The following MAST4 variants were observed in gnomAD, a reference collection of about 807,000 sequenced individuals.
MAST4 encodes microtubule-associated serine/threonine-protein kinase 4.
Under a neutral mutation model 162.7 loss-of-function variants are expected in MAST4, and 89 were observed. That is an observed-to-expected ratio of 0.55 (90% CI 0.46 to 0.65). The LOEUF is 0.65. Ranked by LOEUF, MAST4 falls within the 30% of genes least tolerant of loss-of-function variation. The pLI is 0.00. For missense variants in MAST4, 3,153 were observed against 3,374.0 expected, an observed-to-expected ratio of 0.93 and a Z score of 1.62; for synonymous variants, 1,479 against 1,361.1, an observed-to-expected ratio of 1.09 and a Z score of -1.91.
At chr5:66,608,038 A>G (rs1263862614) in intron 1 of MAST4, among the ~76,000 whole-genome samples, 1 of 150,998 alleles carries the variant, frequency 6.6e-6, no homozygotes, top group Non-Finnish European at 1.5e-5. Context: ...AATTATATCC[A>G]TCACCTCACA....
intron 5 of MAST4, among the ~76,000 whole-genome samples, chr5:67,069,577 T>C (rs973508164): frequency 1.1e-4 from 16 of 152,094 alleles, no homozygotes; most frequent in Non-Finnish European, 1.5e-5. Context: ...CAGCATGTTC[T>C]GGATATGCAC....
chr5:66,871,407 G>A (rs1407706742), intron 3 of MAST4, among the ~76,000 whole-genome samples: 1 of 152,140 alleles, frequency 6.6e-6, no homozygotes, highest in African/African-American at 2.4e-5. Context: ...AGCTGGGATG[G>A]GTTGGCTTCA....
chr5:66,779,556 G>A (rs142670222), intron 2 of MAST4, among the ~76,000 whole-genome samples: 6 of 152,152 alleles, frequency 3.9e-5, no homozygotes, highest in Non-Finnish European at 5.9e-5. Context: ...GTCTGGGTAC[G>A]GTCATTCTTT....
chr5:66,872,803 T>G (rs1761034773), intron 3 of MAST4, among the ~76,000 whole-genome samples: 1 of 152,192 alleles, frequency 6.6e-6, no homozygotes, highest in South Asian at 2.1e-4. Flanking sequence ...ACTAAAATAC[T>G]GGGTGCATTA....
intron 4 of MAST4, among the ~76,000 whole-genome samples, chr5:67,009,340 C>T (rs1006958693): frequency 3.9e-5 from 6 of 152,236 alleles, no homozygotes; most frequent in African/African-American, 1.4e-4. Context: ...ATGGTGTGTA[C>T]AAAGGCCTGG....
At chr5:66,973,289 GTTTT>G (rs199660691) in intron 4 of MAST4, among the ~76,000 whole-genome samples, 4 of 144,634 alleles carry the variant, frequency 2.8e-5, no homozygotes, top group Non-Finnish European at 6.1e-5. Context: ...GTCTGTGAAA[GTTTT>G]TTTTTTTTTA....
At chr5:66,711,649 A>G (rs1288877220) in intron 1 of MAST4, among the ~76,000 whole-genome samples, 5 of 152,170 alleles carry the variant, frequency 3.3e-5, no homozygotes, top group African/African-American at 1.2e-4. Context: ...AGCCTGGCCA[A>G]CATGGTGAAA....
At chr5:66,814,856 T>TC (rs1716953318) in intron 3 of MAST4, among the ~76,000 whole-genome samples, 1 of 148,166 alleles carries the variant, frequency 6.7e-6, no homozygotes, top group African/African-American at 2.5e-5. Flanking sequence ...ATTTTTTTTT[T>TC]CCCCACAAAA....
At chr5:66,847,835 A>C (rs1758982903) in intron 3 of MAST4, among the ~76,000 whole-genome samples, 1 of 150,862 alleles carries the variant, frequency 6.6e-6, no homozygotes, top group African/African-American at 2.4e-5. Context: ...AAAAAAAAAA[A>C]AAAAAAAAGA....
intron 7 of MAST4, among the ~76,000 whole-genome samples, 200 bp from the exon 8 acceptor site, chr5:67,100,235 G>A (rs181096905): frequency 9.2e-5 from 14 of 152,254 alleles, no homozygotes; most frequent in African/African-American, 3.4e-4. Flanking sequence ...ATAAACAAAT[G>A]AGGCAAAATA....
At chr5:67,030,157 T>A (rs781722839) in intron 4 of MAST4, among the ~76,000 whole-genome samples, 11 of 152,168 alleles carry the variant, frequency 7.2e-5, no homozygotes, top group Non-Finnish European at 1.5e-4. Context: ...AAATATTTTG[T>A]ATACATATGG....
intron 19 of MAST4, among the ~76,000 whole-genome samples, chr5:67,141,281 T>A (rs1770379704): frequency 6.6e-6 from 1 of 151,984 alleles, no homozygotes; most frequent in African/African-American, 2.4e-5. Flanking sequence ...CTTCTTAGAG[T>A]TTTTTCAGGA....
At chr5:66,652,593 A>G (rs1180640263) in intron 1 of MAST4, among the ~76,000 whole-genome samples, 1 of 152,202 alleles carries the variant, frequency 6.6e-6, no homozygotes, top group Non-Finnish European at 1.5e-5. Flanking sequence ...CTAAATATCC[A>G]TGTTGCCTAA....
chr5:66,768,007 A>T (rs1452394604), intron 2 of MAST4, among the ~76,000 whole-genome samples: 4 of 152,174 alleles, frequency 2.6e-5, no homozygotes, highest in Non-Finnish European at 4.4e-5. Context: ...AGTCAAGTTG[A>T]CACTCAGTAT....
chr5:66,690,160 A>T (rs1470547509), intron 1 of MAST4, among the ~76,000 whole-genome samples: 1 of 152,092 alleles, frequency 6.6e-6, no homozygotes, highest in East Asian at 1.9e-4. Flanking sequence ...AGCTTTTTAT[A>T]TCTCAGTTTT....
intron 5 of MAST4, among the ~76,000 whole-genome samples, chr5:67,078,915 T>TAA (rs1561621956): frequency 0.026 from 739 of 28,528 alleles, 44 homozygotes; most frequent in South Asian, 0.043. Context: ...TATATAAATA[T>TAA]ATATATATAT....
chr5:66,948,551 C>T (rs941294441), intron 4 of MAST4, among the ~76,000 whole-genome samples: 5 of 152,100 alleles, frequency 3.3e-5, no homozygotes, highest in African/African-American at 1.2e-4. Flanking sequence ...GCAGCTTGCA[C>T]CATTCCTCCA....
chr5:66,897,620 C>G (rs1271519432), intron 3 of MAST4, among the ~76,000 whole-genome samples: 2 of 152,240 alleles, frequency 1.3e-5, no homozygotes, highest in African/African-American at 4.8e-5. Flanking sequence ...CTGAGCCTGA[C>G]ATTCAAGCCA....
At chr5:66,614,238 G>A (rs1193219891) in intron 1 of MAST4, among the ~76,000 whole-genome samples, 3 of 152,150 alleles carry the variant, frequency 2.0e-5, no homozygotes, top group Non-Finnish European at 4.4e-5. Flanking sequence ...GTGAGGCCCC[G>A]CGTGGGTGTC....
Sources: gnomAD v4.1 joint callset for allele counts (sites outside exome capture counted in the v4.1 genomes callset) on GRCh38, gnomAD v4.1.1 for gene constraint, MANE v1.5 for transcripts, NCBI Gene and HGNC (gene_info 2026-07-23, HGNC 2026-07-21) for gene names.